The following TCEANC2 variants were observed in gnomAD, a reference collection of about 807,000 sequenced individuals.
The protein encoded by TCEANC2 is transcription elongation factor A N-terminal and central domain-containing protein 2.
TCEANC2 carries 20 observed loss-of-function variants against 22.8 expected under a neutral mutation model. The ratio of observed to expected loss-of-function variants is 0.88; its 90% CI spans 0.62 to 1.28. The LOEUF is 1.28. Among genes scored for constraint, TCEANC2 ranks in the 50% most tolerant of loss-of-function variants. TCEANC2 has a pLI of 0.00. For synonymous variants in TCEANC2, 84 were observed against 95.5 expected, an observed-to-expected ratio of 0.88 and a Z score of 0.70; for missense variants, 251 against 249.7, an observed-to-expected ratio of 1.01 and a Z score of -0.03.
At chr1:54,086,546 TAAAAA>T (rs943534767) in intron 3 of TCEANC2, among the ~76,000 whole-genome samples, 3 of 152,126 alleles carry the variant, frequency 2.0e-5, no homozygotes, top group African/African-American at 7.2e-5. Flanking sequence ...AGTAAAGAGA[TAAAAA>T]ATAAAATGTT....
At chr1:54,068,683 A>C in intron 2 of TCEANC2, 73 bp from the exon 3 acceptor site, 1 of 1,466,236 alleles carries the variant, frequency 6.8e-7, no homozygotes, top group Non-Finnish European at 9.1e-7. Context: ...TAGGAGCCCC[A>C]TTAGCTCAGG....
At chr1:54,063,916 A>T (rs1040153528) in intron 2 of TCEANC2, among the ~76,000 whole-genome samples, 6 of 152,248 alleles carry the variant, frequency 3.9e-5, no homozygotes, top group African/African-American at 1.4e-4. Context: ...GAATCCACAG[A>T]TGTGAAACCT....
At chr1:54,106,311 T>C (rs1658753436), downstream of TCEANC2, among the ~76,000 whole-genome samples, 2 of 152,232 alleles carry the variant, frequency 1.3e-5, no homozygotes, top group Admixed American at 1.3e-4. Context: ...GAGTTTAGGT[T>C]TGTATAACAG....
chr1:54,095,457 C>T (rs1490399962), intron 4 of TCEANC2, among the ~76,000 whole-genome samples: 2 of 151,982 alleles, frequency 1.3e-5, no homozygotes, highest in African/African-American at 2.4e-5. Flanking sequence ...AGGGTAGGGG[C>T]TGGGGGGTCT....
chr1:54,088,512 G>A lies in TCEANC2; in HGVS notation c.245-85G>A, dbSNP rs959356005. ...CTTGGGTGTGTGAATGACTTTCTCA[G>A]TGCCACACGTCAGTCCATCTAGTCC... On this transcript the variant is annotated intron_variant, in intron 3 of 4. Coordinates refer to ENST00000234827, the MANE Select transcript of TCEANC2 (RefSeq NM_153035.3). 8.0e-6 allele frequency: 9 copies of A among 1,118,584 alleles called. No homozygotes were observed. The African/African-American group carries it at 1.5e-4, about 18-fold the overall frequency. The allele number at this position is 1,118,584 out of a possible 1,614,324, so 69.3% of individuals were successfully genotyped here.
At chr1:54,109,088 C>T (rs578241708), downstream of TCEANC2, among the ~76,000 whole-genome samples, 1 of 152,320 alleles carries the variant, frequency 6.6e-6, no homozygotes, top group East Asian at 1.9e-4. Flanking sequence ...GGAGCCAAGT[C>T]ATCCATCTAT....
At chr1:54,075,003 T>A (rs1658122312) in intron 3 of TCEANC2, among the ~76,000 whole-genome samples, 1 of 152,212 alleles carries the variant, frequency 6.6e-6, no homozygotes, top group African/African-American at 2.4e-5. Flanking sequence ...TGTAGGAGAA[T>A]AATAACAGGG....
intron 3 of TCEANC2, among the ~76,000 whole-genome samples, chr1:54,075,878 G>A (rs1570007131): frequency 6.6e-6 from 1 of 151,908 alleles, no homozygotes; most frequent in African/African-American, 2.4e-5. Context: ...GCTGGGTGTG[G>A]TTGTGCGTGC....
intron 1 of TCEANC2, chr1:54,054,064 T>C (rs914282220): frequency 6.1e-6 from 2 of 329,836 alleles, no homozygotes; most frequent in Admixed American, 9.7e-5. Context: ...CCCAATCTTA[T>C]TTGGAAGAGG....
intron 2 of TCEANC2, 85 bp downstream of exon 2, chr1:54,054,609 G>C (rs906785872): frequency 7.3e-7 from 1 of 1,362,504 alleles, no homozygotes; most frequent in African/African-American, 1.5e-5. Flanking sequence ...AAAGACCTAT[G>C]AATTATTTCT....
chr1:54,110,111 G>A (rs1251958241), downstream of TCEANC2, among the ~76,000 whole-genome samples: 2 of 152,212 alleles, frequency 1.3e-5, no homozygotes, highest in African/African-American at 2.4e-5. Context: ...TAGAGACTGT[G>A]CTGGGTACTC....
At chr1:54,081,919 GC>G (rs1658253861) in intron 3 of TCEANC2, among the ~76,000 whole-genome samples, 2 of 152,200 alleles carry the variant, frequency 1.3e-5, no homozygotes, top group Admixed American at 1.3e-4. Context: ...ACCTCTCAGG[GC>G]CTGTGCTCTT....
chr1:54,078,917 A>G (rs1028928077), intron 3 of TCEANC2, among the ~76,000 whole-genome samples: 9 of 152,172 alleles, frequency 5.9e-5, no homozygotes, highest in African/African-American at 2.2e-4. Flanking sequence ...GGCAGGGGAA[A>G]TGAGTGTCCT....
At chr1:54,110,603 C>CAAACAAAACAAAACA (rs549379793), downstream of TCEANC2, among the ~76,000 whole-genome samples, 1 of 152,024 alleles carries the variant, frequency 6.6e-6, no homozygotes, top group East Asian at 1.9e-4. Flanking sequence ...AACCTTGTCT[C>CAAACAAAACAAAACA]AAACAAAACA....
intron 3 of TCEANC2, among the ~76,000 whole-genome samples, chr1:54,072,697 C>T (rs1051101528): frequency 3.3e-5 from 5 of 152,106 alleles, no homozygotes; most frequent in African/African-American, 1.2e-4. Context: ...CCTTGGCCTC[C>T]CAAAGTGCTG....
chr1:54,058,194 T>C (rs1273246936), intron 2 of TCEANC2, among the ~76,000 whole-genome samples: 1 of 152,238 alleles, frequency 6.6e-6, no homozygotes, highest in Non-Finnish European at 1.5e-5. Context: ...AAGTCTTTGC[T>C]ATTATTGTTA....
At chr1:54,079,224 C>T (rs1355482992) in intron 3 of TCEANC2, among the ~76,000 whole-genome samples, 4 of 152,190 alleles carry the variant, frequency 2.6e-5, no homozygotes, top group Non-Finnish European at 5.9e-5. Flanking sequence ...CAAAACCCCT[C>T]TTCTTACAAA....
chr1:54,054,562 G>T, intron 2 of TCEANC2, 38 bp downstream of exon 2: 1 of 1,579,716 alleles, frequency 6.3e-7, no homozygotes, highest in Non-Finnish European at 8.6e-7. Flanking sequence ...ATGTGCAAAG[G>T]ACTGATAGCA....
intron 3 of TCEANC2, among the ~76,000 whole-genome samples, chr1:54,076,467 G>T (rs976647887): frequency 1.3e-5 from 2 of 152,232 alleles, no homozygotes; most frequent in Admixed American, 1.3e-4. Context: ...AGTATTCCAT[G>T]GTGTATCTGT....
Sources: allele counts gnomAD v4.1 joint callset (sites outside exome capture counted in the v4.1 genomes callset), GRCh38; gene constraint gnomAD v4.1.1; transcripts MANE v1.5; gene names NCBI Gene and HGNC (gene_info 2026-07-23, HGNC 2026-07-21).